Variants in STXBP5L observed in about 807,000 individuals in gnomAD.
STXBP5L encodes the protein syntaxin-binding protein 5-like.
STXBP5L carries 65 observed loss-of-function variants against 144.5 expected under a neutral mutation model. That is an observed-to-expected ratio of 0.45 (90% CI 0.37 to 0.55). STXBP5L has a LOEUF of 0.55. Ranked by LOEUF, STXBP5L falls within the 20% of genes least tolerant of loss-of-function variation. The pLI is 0.00. For synonymous variants in STXBP5L, 505 were observed against 469.6 expected (o/e 1.08, Z -0.97); for missense variants, 1,298 against 1,405.5 (o/e 0.92, Z 1.22).
intron 5 of STXBP5L, among the ~76,000 whole-genome samples, chr3:121,067,758 A>T (rs901340242): frequency 7.2e-5 from 11 of 152,164 alleles, no homozygotes; most frequent in Non-Finnish European, 1.3e-4. Context: ...TTTAGTAGTG[A>T]TGACTTATGT....
chr3:121,179,424 C>T (rs531055733), intron 9 of STXBP5L, among the ~76,000 whole-genome samples: 154 of 152,026 alleles, frequency 1.0e-3, no homozygotes, highest in Admixed American at 1.6e-3. Flanking sequence ...CAAAAAATAC[C>T]GTACATAAAC....
intron 9 of STXBP5L, among the ~76,000 whole-genome samples, chr3:121,192,541 T>A (rs28821598): frequency 6.6e-6 from 1 of 152,190 alleles, no homozygotes; most frequent in Non-Finnish European, 1.5e-5. Context: ...AGAACAAAGC[T>A]GGAGGCATCA....
At chr3:120,973,115 G>A (rs188081427) in intron 3 of STXBP5L, among the ~76,000 whole-genome samples, 2 of 152,042 alleles carry the variant, frequency 1.3e-5, no homozygotes, top group Non-Finnish European at 1.5e-5. Flanking sequence ...TTCCCTTCTC[G>A]ATATTTTGGC....
intron 20 of STXBP5L, among the ~76,000 whole-genome samples, chr3:121,349,444 G>A (rs1263662489): frequency 1.3e-5 from 2 of 152,088 alleles, no homozygotes; most frequent in South Asian, 4.2e-4. Flanking sequence ...GTTGATTTGG[G>A]GTGGAGAGTT....
At chr3:121,083,245 C>T (rs904332965) in intron 5 of STXBP5L, among the ~76,000 whole-genome samples, 2 of 152,064 alleles carry the variant, frequency 1.3e-5, no homozygotes, top group Non-Finnish European at 2.9e-5. Flanking sequence ...CATTTCTATT[C>T]ATCAGGGATA....
intron 20 of STXBP5L, among the ~76,000 whole-genome samples, chr3:121,370,582 T>G (rs990220220): frequency 5.3e-5 from 8 of 152,334 alleles, no homozygotes; most frequent in African/African-American, 1.9e-4. Flanking sequence ...CTAATACAGA[T>G]GATATCATAA....
chr3:121,007,571 C>G (rs1944433267), intron 3 of STXBP5L, among the ~76,000 whole-genome samples: 1 of 151,882 alleles, frequency 6.6e-6, no homozygotes, highest in East Asian at 1.9e-4. Context: ...GATATAGCAG[C>G]ATTATTCTCC....
chr3:120,918,915 G>T (rs1709232968), intron 2 of STXBP5L, among the ~76,000 whole-genome samples: 1 of 152,172 alleles, frequency 6.6e-6, no homozygotes, highest in Non-Finnish European at 1.5e-5. Flanking sequence ...ATGTGAGGAA[G>T]TGGGTGGGTT....
intron 3 of STXBP5L, among the ~76,000 whole-genome samples, chr3:121,011,312 C>G (rs1332322971): frequency 6.6e-6 from 1 of 151,472 alleles, no homozygotes; most frequent in Non-Finnish European, 1.5e-5. Flanking sequence ...CAGTTCAGTG[C>G]TTCTAACATC....
intron 20 of STXBP5L, among the ~76,000 whole-genome samples, chr3:121,318,901 G>A (rs1268096893): frequency 1.3e-5 from 2 of 152,144 alleles, no homozygotes; most frequent in Non-Finnish European, 2.9e-5. Context: ...GAAATATACA[G>A]TATATATGCA....
chr3:121,380,865 G>A (rs947307373), intron 21 of STXBP5L, among the ~76,000 whole-genome samples: 7 of 152,104 alleles, frequency 4.6e-5, no homozygotes, highest in African/African-American at 1.7e-4. Context: ...AATCGCCACA[G>A]TATTGTCATT....
At chr3:121,147,904 C>T (rs1052874997) in intron 7 of STXBP5L, among the ~76,000 whole-genome samples, 10 of 152,094 alleles carry the variant, frequency 6.6e-5, no homozygotes, top group African/African-American at 2.2e-4. Flanking sequence ...ACTGAAACAT[C>T]GGCTCTTCCT....
rs548377722 is a variant in STXBP5L at position 121,195,757 on chromosome 3, C to T, written c.878-10166C>T. ...ACAGCTCAAATCTCCTGGTTCCCAT[C>T]AACAATACCTGCTTTCCAATCCCTA... On this transcript the variant is annotated intron_variant, in intron 9 of 26. Transcript: ENST00000471454. Among the ~76,000 whole-genome samples the T allele has an allele frequency of 2.0e-5, 3 of 152,250 alleles. No homozygotes were observed. The South Asian group carries it at 6.2e-4, about 32-fold the overall frequency.
chr3:121,163,014 G>A (rs923265020), intron 9 of STXBP5L, among the ~76,000 whole-genome samples: 2 of 152,168 alleles, frequency 1.3e-5, no homozygotes, highest in Non-Finnish European at 2.9e-5. Flanking sequence ...ACAGTCTGGC[G>A]ATTCCTCAAG....
At chr3:121,125,306 C>A (rs1324149645) in intron 7 of STXBP5L, among the ~76,000 whole-genome samples, 2 of 151,754 alleles carry the variant, frequency 1.3e-5, no homozygotes, top group Non-Finnish European at 2.9e-5. Context: ...CTGTCTCTAC[C>A]AAAAACACAC....
intron 9 of STXBP5L, among the ~76,000 whole-genome samples, chr3:121,194,512 G>GA (rs980323647): frequency 4.6e-4 from 66 of 144,760 alleles, no homozygotes; most frequent in Middle Eastern, 3.5e-3. Context: ...TCCCTGCCTT[G>GA]AAAAAAAAAA....
intron 19 of STXBP5L, among the ~76,000 whole-genome samples, chr3:121,308,975 G>A (rs530534416): frequency 5.9e-5 from 9 of 151,900 alleles, no homozygotes; most frequent in South Asian, 2.1e-4. Flanking sequence ...TAATGTATAC[G>A]GTAAGTTTTA....
chr3:120,914,036 T>C (rs982174924), intron 2 of STXBP5L, among the ~76,000 whole-genome samples: 13 of 152,026 alleles, frequency 8.6e-5, no homozygotes, highest in African/African-American at 3.1e-4. Flanking sequence ...GAACATGGTA[T>C]ATGCTTTTCA....
chr3:121,263,187 T>G (rs2050441630), intron 18 of STXBP5L, among the ~76,000 whole-genome samples: 2 of 152,048 alleles, frequency 1.3e-5, no homozygotes, highest in Non-Finnish European at 1.5e-5. Flanking sequence ...GGTTCTGGAG[T>G]GGACCACCCA....
Sources: gnomAD v4.1 joint callset for allele counts (sites outside exome capture counted in the v4.1 genomes callset) on GRCh38, gnomAD v4.1.1 for gene constraint, MANE v1.5 for transcripts, NCBI Gene and HGNC (gene_info 2026-07-23, HGNC 2026-07-21) for gene names.